MED23: variants seen among roughly 807,000 people sequenced by gnomAD.
MED23 encodes the protein mediator complex subunit 23, also known as mediator of RNA polymerase II transcription subunit 23.
In MED23, 105 loss-of-function variants were observed where a neutral mutation model predicts 163.9. The observed-to-expected ratio is 0.64, with a 90% CI of 0.55 to 0.75. MED23 has a LOEUF of 0.75. MED23 is among the 30% of genes least tolerant of loss of function. The pLI is 0.00. For synonymous variants in MED23, 561 were observed against 565.6 expected (o/e 0.99, Z 0.12); for missense variants, 1,054 against 1,649.0 (o/e 0.64, Z 6.25).
chr6:131,605,782 T>C (rs950580179), intron 13 of MED23, among the ~76,000 whole-genome samples: 1 of 152,214 alleles, frequency 6.6e-6, no homozygotes, highest in African/African-American at 2.4e-5. Context: ...CACAAGTCTA[T>C]GAACCAGGTT....
intron 5 of MED23, 49 bp downstream of exon 5, chr6:131,623,302 A>C (rs755730515): frequency 1.4e-6 from 2 of 1,451,898 alleles, no homozygotes; most frequent in Admixed American, 3.3e-5. Flanking sequence ...CACACCGAAA[A>C]ATCAATCATA....
chr6:131,626,778 A>G (rs1468745010), intron 3 of MED23, among the ~76,000 whole-genome samples: 1 of 152,242 alleles, frequency 6.6e-6, no homozygotes, highest in East Asian at 1.9e-4. Flanking sequence ...GGCAAATCTT[A>G]TCACCAGTGG....
At position 131,610,172 on chromosome 6, in the gene MED23, G is replaced by A. The variant is rs748944493; in HGVS notation, c.951C>T (p.Thr317=). The change falls in exon 11 of 29, where the codon ACC becomes ACT. Residue 317 remains threonine (T), a synonymous_variant. Transcript: ENST00000368068. ...LVVYAMERSE[T]EEKFDDGGTS... is the part of the protein sequence containing the mutation. Reference sequence around the variant, plus strand: ...TTCCCCCATCGTCAAACTTCTCCTCGGTCTCAGATCGCTCCATGGCATAAA... The same window carrying A: ...TTCCCCCATCGTCAAACTTCTCCTCAGTCTCAGATCGCTCCATGGCATAAA... 2.8e-5 allele frequency: 45 copies of A among 1,613,792 alleles called. No homozygotes were observed. The highest frequency in any genetic ancestry group is 2.5e-4 in the African/African-American group (19 of 74,856).
Position 131,576,672 on chromosome 6 carries a change from G to T in MED23, c.4096-2377C>A, listed in dbSNP as rs1773627584. On this transcript the variant is annotated intron_variant, in intron 30 of 30. Coordinates refer to the MED23 transcript ENST00000354577. ...TTTTTTAATTGTTCAGCCACGAGGA[G>T]GGGTGGAAGAAGGCCCTACAGTATT... The T allele has an allele frequency of 1.2e-6, 2 of 1,613,790 alleles. No homozygotes were observed. The highest frequency in any genetic ancestry group is 1.3e-5 in the African/African-American group (1 of 74,908).
chr6:131,627,936 A>T (rs1182684407), intron 1 of MED23, 75 bp downstream of exon 1: 2 of 1,589,810 alleles, frequency 1.3e-6, no homozygotes, highest in East Asian at 2.2e-5. Context: ...TGCCCAGGCC[A>T]GTTTCCTTGG....
exon 31 of MED23, chr6:131,574,255 C>T: frequency 6.2e-7 from 1 of 1,613,720 alleles, no homozygotes. Flanking sequence ...CGTTTTGCTT[C>T]CTCTTAATTT....
intron 12 of MED23, among the ~76,000 whole-genome samples, chr6:131,606,979 G>A (rs1775898615): frequency 1.3e-5 from 2 of 151,896 alleles, no homozygotes; most frequent in African/African-American, 4.8e-5. Context: ...AGTGACAAAT[G>A]TAACTAAAAA....
At chr6:131,574,794 G>A (rs1476107355) in intron 30 of MED23, among the ~76,000 whole-genome samples, 1 of 152,172 alleles carries the variant, frequency 6.6e-6, no homozygotes, top group Non-Finnish European at 1.5e-5. Flanking sequence ...AGGCTTGCAA[G>A]GCAGCGAACA....
rs927151507 is a variant in MED23 at position 131,587,414 on chromosome 6, C to T, written c.*265G>A. 1.6e-6 allele frequency: 2 copies of T among 1,279,270 alleles called. No homozygotes were observed. Among genetic ancestry groups the T allele is most frequent in the South Asian group, 3.6e-5 (2 of 55,702 alleles). 79.2% of individuals were successfully genotyped at this position (1,279,270 alleles called of 1,614,324 possible). ...TGACAAGTCATTTGATCACAGATAC[C>T]TCTATGTTCCTACATAGCTCTAATA... On this transcript the variant is annotated 3_prime_UTR_variant, in exon 29 of 29. Coordinates refer to ENST00000368068, the MANE Select transcript of MED23 (RefSeq NM_004830.4).
chr6:131,617,398 C>T (rs73779832), intron 9 of MED23, among the ~76,000 whole-genome samples: 2,844 of 148,478 alleles, frequency 0.019, 98 homozygotes, highest in African/African-American at 0.065. Context: ...TTAAGATAAT[C>T]TTTAAAAGAC....
intron 9 of MED23, among the ~76,000 whole-genome samples, chr6:131,617,915 A>G (rs1776809130): frequency 6.6e-6 from 1 of 152,232 alleles, no homozygotes; most frequent in South Asian, 2.1e-4. Context: ...AGTCTTAAGT[A>G]TCATTGTAAG....
chr6:131,627,956 C>G, intron 1 of MED23, 55 bp downstream of exon 1: 1 of 1,611,836 alleles, frequency 6.2e-7, no homozygotes, highest in Non-Finnish European at 8.5e-7. Context: ...GTCGGCTGCC[C>G]CCGCGTCTCC....
intron 5 of MED23, among the ~76,000 whole-genome samples, chr6:131,622,829 C>CAA (rs1777205404): frequency 1.3e-5 from 2 of 152,148 alleles, no homozygotes; most frequent in South Asian, 4.1e-4. Context: ...AGGACAATAA[C>CAA]AAAAGTCTCC....
chr6:131,584,054 T>C, downstream of MED23: 1 of 900,948 alleles, frequency 1.1e-6, no homozygotes, highest in Non-Finnish European at 1.6e-6. Flanking sequence ...AATTCCCTCT[T>C]GGTGTAAAAT....
At chr6:131,597,829 T>C (rs982298693) in intron 20 of MED23, among the ~76,000 whole-genome samples, 2 of 152,164 alleles carry the variant, frequency 1.3e-5, no homozygotes, top group Non-Finnish European at 2.9e-5. Context: ...CTCACGCCTG[T>C]AATCCCAGCA....
At chr6:131,583,660 G>C, downstream of MED23, 1 of 1,541,244 alleles carries the variant, frequency 6.5e-7, no homozygotes, top group South Asian at 1.1e-5. Context: ...TTCTGTTAGT[G>C]GATAATCTTT....
Position 131,598,602 on chromosome 6 carries a change from AGAG to A in MED23, c.2377_2379del (p.Leu793del). On this transcript the variant is annotated inframe_deletion, in exon 19 of 29. Transcript: ENST00000368068. The surrounding 1 kb of genome is among the most constrained non-coding windows in gnomAD (Gnocchi z 4.7). Reference sequence around the variant, plus strand: ...TGATCTGTTTCCAAGAGCATTTTCCAGAGAAGACAAAGAAAGAGAGGAGGGGAG... The same window carrying A: ...TGATCTGTTTCCAAGAGCATTTTCCAAAGACAAAGAAAGAGAGGAGGGGAG... 1 of 1,614,192 alleles carries A rather than the reference AGAG, an allele frequency of 6.2e-7. No individual in the cohort carries two copies.
Position 131,580,351 on chromosome 6 carries a change from G to A in MED23, c.4096-6056C>T, listed in dbSNP as rs928059313. The stretch of plus-strand genomic sequence containing the variant: ...CAAGAAACCTAAAGGGAAAACAAAC[G>A]TCCACTGAATAATCCATACCTGAAC... On this transcript the variant is annotated intron_variant, in intron 30 of 30. Transcript: ENST00000354577. 5.3e-5 allele frequency among the ~76,000 whole-genome samples: 8 copies of A among 152,208 alleles called. No homozygotes were observed. In the East Asian group the frequency reaches 5.8e-4, roughly 11 times the overall value.
At chr6:131,620,480 T>A (rs997651119) in intron 7 of MED23, 148 bp downstream of exon 7, 38 of 655,374 alleles carry the variant, frequency 5.8e-5, no homozygotes, top group Non-Finnish European at 9.4e-5. Flanking sequence ...TTTAATGTTT[T>A]GCAGAGACAG....
Sources: allele counts gnomAD v4.1 joint callset (sites outside exome capture counted in the v4.1 genomes callset), GRCh38; gene constraint gnomAD v4.1.1; non-coding constraint Gnocchi (gnomAD v3.1); transcripts MANE v1.5; gene names NCBI Gene and HGNC (gene_info 2026-07-23, HGNC 2026-07-21).